PIK3C2G: variants seen among roughly 807,000 people sequenced by gnomAD.
The protein encoded by PIK3C2G is phosphatidylinositol 3-kinase C2 domain-containing subunit gamma.
PIK3C2G carries 168 observed loss-of-function variants against 181.1 expected under a neutral mutation model. The observed-to-expected ratio is 0.93, with a 90% confidence interval of 0.82 to 1.05. PIK3C2G has a LOEUF of 1.05. PIK3C2G is among the 50% of genes least tolerant of loss of function. The pLI, the probability that PIK3C2G is intolerant of heterozygous loss-of-function variation, is 0.00. For synonymous variants in PIK3C2G, 573 were observed against 592.2 expected (o/e 0.97, Z 0.47); for missense variants, 1,869 against 1,732.8 (o/e 1.08, Z -1.40).
intron 12 of PIK3C2G, among the ~76,000 whole-genome samples, chr12:18,367,504 A>T (rs536419785): frequency 6.6e-6 from 1 of 152,072 alleles, no homozygotes; most frequent in African/African-American, 2.4e-5. Flanking sequence ...CAGTTCTCAC[A>T]GTGTCATAAA....
intron 16 of PIK3C2G, among the ~76,000 whole-genome samples, chr12:18,407,115 C>T (rs1377314521): frequency 6.6e-6 from 1 of 151,970 alleles, no homozygotes; most frequent in Non-Finnish European, 1.5e-5. Context: ...TGAGAGCATT[C>T]AATAAATGCT....
the PIK3C2G span, among the ~76,000 whole-genome samples, chr12:18,665,152 C>CATA: frequency 6.7e-6 from 1 of 149,556 alleles, no homozygotes; most frequent in Non-Finnish European, 1.5e-5. Flanking sequence ...AAACTTAAAG[C>CATA]ATAATAATAA....
intron 29 of PIK3C2G, among the ~76,000 whole-genome samples, chr12:18,582,233 C>T (rs997788336): frequency 3.9e-5 from 6 of 152,048 alleles, no homozygotes; most frequent in Admixed American, 6.5e-5. Flanking sequence ...ATCAAGAAAA[C>T]GAGTCAACCC....
chr12:18,499,538 GAA>G (rs1022270149), intron 22 of PIK3C2G, among the ~76,000 whole-genome samples: 1 of 152,156 alleles, frequency 6.6e-6, no homozygotes, highest in African/African-American at 2.4e-5. Context: ...AGTTCTGAGA[GAA>G]ATTTTCAGGG....
intron 24 of PIK3C2G, among the ~76,000 whole-genome samples, chr12:18,537,183 T>C (rs1943906592): frequency 6.6e-6 from 1 of 152,110 alleles, no homozygotes; most frequent in South Asian, 2.1e-4. Context: ...ATTGTATTTT[T>C]ACTGAAATAG....
chr12:18,244,910 T>A (rs1948023891), upstream of PIK3C2G, among the ~76,000 whole-genome samples: 1 of 152,094 alleles, frequency 6.6e-6, no homozygotes, highest in Non-Finnish European at 1.5e-5. Context: ...ATTTGTGAAG[T>A]CAAAGATCGA....
chr12:18,336,411 T>A (rs1374411749), intron 8 of PIK3C2G, among the ~76,000 whole-genome samples: 2 of 152,066 alleles, frequency 1.3e-5, no homozygotes, highest in African/African-American at 4.8e-5. Flanking sequence ...ATATTAATAG[T>A]GAGATTGTTG....
chr12:18,360,538 T>C (rs188067758), intron 11 of PIK3C2G, among the ~76,000 whole-genome samples: 29 of 152,322 alleles, frequency 1.9e-4, no homozygotes, highest in African/African-American at 6.5e-4. Flanking sequence ...GTTTAGCATT[T>C]CTTACAAAGC....
At chr12:18,694,173 G>C in the PIK3C2G span, 1 of 677,978 alleles carries the variant, frequency 1.5e-6, no homozygotes, top group African/African-American at 1.8e-5. Context: ...TGGGGGAGTT[G>C]CCCAGAGGAA....
intron 31 of PIK3C2G, among the ~76,000 whole-genome samples, chr12:18,612,186 C>T (rs909778132): frequency 3.8e-4 from 58 of 152,120 alleles, no homozygotes; most frequent in Admixed American, 9.2e-4. Flanking sequence ...TGCCCCAGGA[C>T]CTTTGTATCT....
At chr12:18,268,557 A>G (rs1308109601) in intron 1 of PIK3C2G, among the ~76,000 whole-genome samples, 4 of 152,088 alleles carry the variant, frequency 2.6e-5, no homozygotes, top group Non-Finnish European at 4.4e-5. Context: ...CAGCCTTCCC[A>G]TACTAATTCA....
At chr12:18,284,807 A>G (rs1949372930) in intron 2 of PIK3C2G, among the ~76,000 whole-genome samples, 1 of 152,164 alleles carries the variant, frequency 6.6e-6, no homozygotes, top group African/African-American at 2.4e-5. Context: ...TGAAAGCAAA[A>G]CTGTAGAAAT....
chr12:18,609,522 A>G lies in PIK3C2G; in HGVS notation c.4088-13A>G, dbSNP rs1375780203. 3 of 1,518,126 alleles carry G rather than the reference A, an allele frequency of 2.0e-6. No homozygotes were observed. The highest frequency in any genetic ancestry group is 2.4e-5 in the East Asian group (1 of 42,506). The allele number at this position is 1,518,126 out of a possible 1,614,324, so 94.0% of individuals were successfully genotyped here. ...TTCCAACTGAACTCACTGAAATTCTATTCTTTTATCAGGTGAGAAGTTTCC... is the reference window on the plus strand; with the variant it reads ...TTCCAACTGAACTCACTGAAATTCTGTTCTTTTATCAGGTGAGAAGTTTCC... On this transcript the variant is annotated splice_polypyrimidine_tract_variant and intron_variant, in intron 30 of 32. Coordinates refer to ENST00000538779, the MANE Select transcript of PIK3C2G (RefSeq NM_001288772.2).
chr12:18,351,213 A>C (rs1181285946), intron 11 of PIK3C2G, among the ~76,000 whole-genome samples: 2 of 152,074 alleles, frequency 1.3e-5, no homozygotes, highest in Non-Finnish European at 2.9e-5. Context: ...AGAAAACATT[A>C]TAACTTAAAG....
chr12:18,483,297 A>C (rs1314094630), intron 18 of PIK3C2G, among the ~76,000 whole-genome samples: 2 of 152,168 alleles, frequency 1.3e-5, no homozygotes, highest in Admixed American at 6.6e-5. Context: ...GCCCTGTTGC[A>C]CTTAGTACTG....
At chr12:18,653,402 T>C (rs1461333229), downstream of PIK3C2G, among the ~76,000 whole-genome samples, 2 of 152,164 alleles carry the variant, frequency 1.3e-5, no homozygotes, top group Non-Finnish European at 2.9e-5. Context: ...GCACAAAATC[T>C]TGAATACTCT....
At chr12:18,498,382 A>C in intron 22 of PIK3C2G, among the ~76,000 whole-genome samples, 1 of 152,220 alleles carries the variant, frequency 6.6e-6, no homozygotes, top group East Asian at 1.9e-4. Context: ...GTAGAATTGC[A>C]CTTAATTACA....
intron 3 of PIK3C2G, among the ~76,000 whole-genome samples, chr12:18,290,324 G>C (rs995262875): frequency 1.3e-5 from 2 of 152,088 alleles, no homozygotes; most frequent in Non-Finnish European, 2.9e-5. Flanking sequence ...TTACTTTTAG[G>C]CTCCAATATT....
rs371094426 is a variant in PIK3C2G at position 18,562,726 on chromosome 12, G to A, written c.3614G>A (p.Cys1205Tyr). ...FTKKIKESLE[C>Y]FPVKLNNLIH... ...AGGAAAATAAAGGAAAGTCTGGAGTGTTTCCCTGTTAAATTGAATAACTTG... is the reference window on the plus strand; with the variant it reads ...AGGAAAATAAAGGAAAGTCTGGAGTATTTCCCTGTTAAATTGAATAACTTG... Residue 1205 changes from cysteine to tyrosine, a missense_variant, in exon 27 of 33, where the codon TGT becomes TAT. Cys to Tyr is a radical substitution (Grantham distance 194). Coordinates refer to ENST00000538779, the MANE Select transcript of PIK3C2G (RefSeq NM_001288772.2). 2 of 1,599,448 alleles carry A rather than the reference G, an allele frequency of 1.3e-6. No individual in the cohort carries two copies. The highest frequency in any genetic ancestry group is 1.7e-6 in the Non-Finnish European group (2 of 1,171,328).
Sources: allele counts gnomAD v4.1 joint callset (sites outside exome capture counted in the v4.1 genomes callset), GRCh38; gene constraint gnomAD v4.1.1; transcripts MANE v1.5; gene names NCBI Gene and HGNC (gene_info 2026-07-23, HGNC 2026-07-21).